SIDT1: variants seen among roughly 807,000 people sequenced by gnomAD.
SIDT1 encodes the protein SID1 transmembrane family member 1.
A neutral mutation model predicts 107.5 loss-of-function variants in SIDT1; 101 were observed. The ratio of observed to expected loss-of-function variants is 0.94; its 90% CI spans 0.80 to 1.11. The LOEUF (loss-of-function observed/expected upper bound fraction) is 1.11. Among genes scored for constraint, SIDT1 ranks in the 50% least tolerant of loss-of-function variants. The pLI is 0.00. For synonymous variants in SIDT1, 395 were observed against 398.2 expected (o/e 0.99, Z 0.10); for missense variants, 1,076 against 1,058.2 (o/e 1.02, Z -0.23).
chr3:113,581,352 A>G lies in SIDT1; in HGVS notation c.664-9A>G, dbSNP rs778522936. The stretch of plus-strand genomic sequence containing the variant: ...ATGCTTTCCATTTTATTCCTCATGC[A>G]TGCTGCAGTGCCCGGTGTATGATCT... On this transcript the variant is annotated splice_polypyrimidine_tract_variant and intron_variant, in intron 5 of 24. Transcript: ENST00000264852. The G allele has an allele frequency of 2.5e-6, 4 of 1,611,162 alleles. No homozygotes were observed. The highest frequency in any genetic ancestry group is 1.1e-5 in the South Asian group (1 of 91,062).
At chr3:113,603,179 G>GGC in intron 12 of SIDT1, 29 bp downstream of exon 12, 1 of 1,590,638 alleles carries the variant, frequency 6.3e-7, no homozygotes, top group Non-Finnish European at 8.6e-7. Context: ...CGTACTCTTT[G>GGC]AGAGGGCAGA....
rs774538539 is a variant in SIDT1 at position 113,601,663 on chromosome 3, T to C, written c.1117+4T>C. On this transcript the variant is annotated splice_donor_region_variant and intron_variant, in intron 11 of 24. Transcript: ENST00000264852. ...GGGAGCAATTATGGGACAATAGGTA[T>C]GTCCTACCAGGTCTGTTCATGAAAG... is the stretch of plus-strand genomic sequence containing the variant. 1.9e-6 allele frequency: 3 copies of C among 1,607,548 alleles called. No homozygotes were observed. The highest frequency in any genetic ancestry group is 1.7e-6 in the Non-Finnish European group (2 of 1,174,394).
At chr3:113,612,464 C>A in intron 19 of SIDT1, 1 of 535,044 alleles carries the variant, frequency 1.9e-6, no homozygotes, top group Non-Finnish European at 3.6e-6. Context: ...CCCCTGGTTG[C>A]AAACACTTTA....
chr3:113,627,035 T>C (rs1946906206), intron 24 of SIDT1, among the ~76,000 whole-genome samples: 1 of 152,148 alleles, frequency 6.6e-6, no homozygotes, highest in Non-Finnish European at 1.5e-5. Context: ...GATCGTCACC[T>C]TCATGAGAGA....
At chr3:113,561,408 T>A (rs1188549521) in intron 1 of SIDT1, among the ~76,000 whole-genome samples, 1 of 152,168 alleles carries the variant, frequency 6.6e-6, no homozygotes, top group Non-Finnish European at 1.5e-5. Context: ...CAAAGGTAAG[T>A]GGATTGCGAA....
At position 113,588,273 on chromosome 3, in the gene SIDT1, A is replaced by G. The variant is rs552218708; in HGVS notation, c.1001+3003A>G. Among the ~76,000 whole-genome samples, 9 of 152,356 alleles carry G rather than the reference A, an allele frequency of 5.9e-5. No individual in the cohort carries two copies. The East Asian group carries it at 1.7e-3, about 29-fold the overall frequency. Reference sequence around the variant, plus strand: ...TTTCTCCAAATATAGACAAAGTGGAAATAGAAATCTGGAGATGTAAGAACT... The same window carrying G: ...TTTCTCCAAATATAGACAAAGTGGAGATAGAAATCTGGAGATGTAAGAACT... On this transcript the variant is annotated intron_variant, in intron 9 of 24. Coordinates refer to ENST00000264852, the MANE Select transcript of SIDT1 (RefSeq NM_017699.3).
intron 1 of SIDT1, among the ~76,000 whole-genome samples, chr3:113,554,857 G>T (rs541108551): frequency 1.3e-5 from 2 of 152,116 alleles, no homozygotes; most frequent in South Asian, 4.2e-4. Flanking sequence ...TGGCCAAGGT[G>T]CTGCCAGTCA....
At chr3:113,571,360 T>C (rs1942428896) in intron 3 of SIDT1, among the ~76,000 whole-genome samples, 1 of 152,178 alleles carries the variant, frequency 6.6e-6, no homozygotes, top group Non-Finnish European at 1.5e-5. Context: ...TGTGCTGCTG[T>C]GAGCCATGAT....
At chr3:113,558,773 T>C (rs893048173) in intron 1 of SIDT1, among the ~76,000 whole-genome samples, 3 of 152,234 alleles carry the variant, frequency 2.0e-5, no homozygotes, top group African/African-American at 4.8e-5. Flanking sequence ...CCAGTATCGA[T>C]GACGCTGTGG....
chr3:113,567,493 C>A, intron 2 of SIDT1, 47 bp from the exon 3 acceptor site: 1 of 1,485,884 alleles, frequency 6.7e-7, no homozygotes. Flanking sequence ...TCACTGAGTC[C>A]CTTTCTTGTC....
intron 4 of SIDT1, among the ~76,000 whole-genome samples, chr3:113,579,311 CT>C (rs1424339750): frequency 6.6e-6 from 1 of 152,162 alleles, no homozygotes; most frequent in African/African-American, 2.4e-5. Context: ...GTGTTTACTG[CT>C]TGCACAAAAC....
intron 9 of SIDT1, chr3:113,588,667 C>T (rs1943917135): frequency 6.6e-6 from 1 of 152,206 alleles, no homozygotes; most frequent in Non-Finnish European, 1.5e-5. Flanking sequence ...ATGTGCAGGC[C>T]CTGGGTCAAG....
intron 1 of SIDT1, 70 bp from the exon 2 acceptor site, chr3:113,566,338 TTGTGTGTGTGTG>T (rs55802002): frequency 3.6e-6 from 4 of 1,098,820 alleles, no homozygotes; most frequent in Non-Finnish European, 4.0e-6. Context: ...TTGTGTGTGT[TTGTGTGTGTGTG>T]TGTGTGTGTG....
chr3:113,594,626 G>A (rs1310521432), intron 10 of SIDT1, among the ~76,000 whole-genome samples: 1 of 152,136 alleles, frequency 6.6e-6, no homozygotes, highest in Non-Finnish European at 1.5e-5. Context: ...GCTGGGACTT[G>A]AGCCAGATCA....
Position 113,532,873 on chromosome 3 carries a change from G to C in SIDT1, c.-149G>C. ...TTGATCGGCCCTTCGTCAGCACGCT[G>C]CCAGCCCTGGCCGGCTGGGTTCGCC... On this transcript the variant is annotated 5_prime_UTR_variant, in exon 1 of 25. Transcript: ENST00000264852. The C allele has an allele frequency of 2.1e-6, 1 of 479,886 alleles. No homozygotes were observed. Among genetic ancestry groups the C allele is most frequent in the Non-Finnish European group, 3.4e-6 (1 of 290,572 alleles). 29.7% of individuals were successfully genotyped at this position (479,886 alleles called of 1,614,324 possible). A position where few individuals can be genotyped will look rare whatever the true frequency, so the allele number is the denominator to read the frequency against.
Position 113,628,679 on chromosome 3 carries a change from A to T in SIDT1, c.*971A>T, listed in dbSNP as rs1947004373. The T allele has an allele frequency of 1.3e-5, 2 of 152,272 alleles. No individual in the cohort carries two copies. The allele number at this position is 152,272 out of a possible 1,614,324, so 9.4% of individuals were successfully genotyped here. On this transcript the variant is annotated 3_prime_UTR_variant, in exon 25 of 25. Transcript: ENST00000264852. ...ATTCACACAGCTCAGTTCTGTGCCC[A>T]CATCACCTTTGGGGAAGAAATCAGC...
chr3:113,616,746 T>G (rs1946137396), intron 20 of SIDT1, among the ~76,000 whole-genome samples: 1 of 151,478 alleles, frequency 6.6e-6, no homozygotes, highest in East Asian at 1.9e-4. Flanking sequence ...TGGAGTGCAG[T>G]GGCGCGATCT....
At chr3:113,560,304 C>T (rs868633300) in intron 1 of SIDT1, among the ~76,000 whole-genome samples, 4 of 152,184 alleles carry the variant, frequency 2.6e-5, no homozygotes, top group Non-Finnish European at 4.4e-5. Context: ...CCTCTGTGTA[C>T]CCACAGTACT....
intron 1 of SIDT1, 56 bp from the exon 2 acceptor site, chr3:113,566,364 G>T (rs1200585172): frequency 3.4e-6 from 5 of 1,483,342 alleles, no homozygotes; most frequent in Non-Finnish European, 4.7e-6. Context: ...GTGTGTGTGT[G>T]TTTGCATGTG....
Sources: allele counts gnomAD v4.1 joint callset (sites outside exome capture counted in the v4.1 genomes callset), GRCh38; gene constraint gnomAD v4.1.1; transcripts MANE v1.5; gene names NCBI Gene and HGNC (gene_info 2026-07-23, HGNC 2026-07-21).